Variants in MAPK9 observed in about 807,000 individuals in gnomAD.
The protein encoded by MAPK9 is mitogen-activated protein kinase 9.
In MAPK9, 30 loss-of-function variants were observed where a neutral mutation model predicts 57.1. The observed-to-expected ratio is 0.53, with a 90% confidence interval of 0.39 to 0.71. MAPK9 has a LOEUF of 0.71. MAPK9 is among the 30% of genes least tolerant of loss of function. The pLI is 0.00. For missense variants in MAPK9, 362 were observed against 521.0 expected, an observed-to-expected ratio of 0.69 and a Z score of 2.97; for synonymous variants, 155 against 177.0, an observed-to-expected ratio of 0.88 and a Z score of 0.99.
chr5:180,270,399 T>G (rs1029500862), intron 2 of MAPK9, among the ~76,000 whole-genome samples: 1 of 152,254 alleles, frequency 6.6e-6, no homozygotes, highest in Non-Finnish European at 1.5e-5. Context: ...TCATATTATG[T>G]GTCTGTCTAT....
chr5:180,258,775 C>A (rs1482300881), intron 5 of MAPK9, among the ~76,000 whole-genome samples: 1 of 151,252 alleles, frequency 6.6e-6, no homozygotes, highest in East Asian at 1.9e-4. Context: ...ACCTGTAATC[C>A]CAGCACTTTG....
rs543329201 is a variant in MAPK9, at chr5:180,272,819, G to A, written c.123-3410C>T. On this transcript the variant is annotated intron_variant, in intron 2 of 11. Transcript: ENST00000452135. Reference sequence around the variant, plus strand: ...CATCACCATTCCTGTACGCAGCTCCGGATCCCCTATGCATGTGTTTCTGAT... The same window carrying A: ...CATCACCATTCCTGTACGCAGCTCCAGATCCCCTATGCATGTGTTTCTGAT... Among the ~76,000 whole-genome samples the A allele has an allele frequency of 6.4e-4, 98 of 152,280 alleles. No individual in the cohort carries two copies. In the South Asian group the frequency reaches 8.7e-3, roughly 14 times the overall value.
intron 3 of MAPK9, among the ~76,000 whole-genome samples, chr5:180,265,612 A>G (rs1424648930): frequency 2.0e-5 from 3 of 152,190 alleles, no homozygotes; most frequent in African/African-American, 4.8e-5. Context: ...ATGCGCAACT[A>G]TGAGTTATTT....
intron 1 of MAPK9, among the ~76,000 whole-genome samples, chr5:180,291,007 G>A (rs576520995): frequency 6.6e-6 from 1 of 152,358 alleles, no homozygotes; most frequent in East Asian, 1.9e-4. Context: ...ATGACTAAGG[G>A]AAGAAAGAGG....
intron 1 of MAPK9, among the ~76,000 whole-genome samples, chr5:180,288,572 C>CG (rs1056946336): frequency 6.6e-6 from 1 of 152,112 alleles, no homozygotes; most frequent in African/African-American, 2.4e-5. Flanking sequence ...AGGTTGTGCC[C>CG]GTATGTTTTA....
intron 2 of MAPK9, among the ~76,000 whole-genome samples, chr5:180,278,422 C>T (rs915682627): frequency 1.3e-5 from 2 of 152,238 alleles, no homozygotes; most frequent in African/African-American, 4.8e-5. Flanking sequence ...TACCTGTAGG[C>T]CGGGCGCAGT....
chr5:180,272,266 A>G (rs1212666233), intron 2 of MAPK9, among the ~76,000 whole-genome samples: 1 of 152,196 alleles, frequency 6.6e-6, no homozygotes, highest in Non-Finnish European at 1.5e-5. Context: ...TGGAAGATAG[A>G]TGGTATTGCT....
At chr5:180,252,144 C>T (rs33979712) in intron 5 of MAPK9, among the ~76,000 whole-genome samples, 28,365 of 152,024 alleles carry the variant, frequency 0.19, 3,176 homozygotes, top group African/African-American at 0.31. Context: ...TCTCTTGCGG[C>T]CATGTTATGG....
intron 11 of MAPK9, 116 bp downstream of exon 11, chr5:180,238,216 G>A (rs557498347): frequency 2.9e-6 from 2 of 692,972 alleles, no homozygotes; most frequent in Middle Eastern, 3.0e-4. Context: ...GTTGCAGTGA[G>A]CAGAGATCGC....
At chr5:180,267,852 TTTTATTTATTTA>T (rs542480114) in intron 3 of MAPK9, among the ~76,000 whole-genome samples, 2 of 151,790 alleles carry the variant, frequency 1.3e-5, no homozygotes, top group African/African-American at 4.8e-5. Flanking sequence ...ACGTTTTATA[TTTTATTTATTTA>T]TTTATTTATT....
intron 1 of MAPK9, among the ~76,000 whole-genome samples, chr5:180,290,352 C>T (rs1763123465): frequency 6.6e-6 from 1 of 152,200 alleles, no homozygotes; most frequent in Non-Finnish European, 1.5e-5. Flanking sequence ...CCTCAAGGCC[C>T]CCCAGCACCA....
chr5:180,263,665 C>T (rs1219966417), intron 4 of MAPK9, among the ~76,000 whole-genome samples: 18 of 151,786 alleles, frequency 1.2e-4, no homozygotes, highest in Admixed American at 3.3e-4. Context: ...TTCCTTCTAT[C>T]TCCATTCTAC....
chr5:180,271,513 C>T (rs547274886), intron 2 of MAPK9, among the ~76,000 whole-genome samples: 17 of 152,298 alleles, frequency 1.1e-4, no homozygotes, highest in Admixed American at 3.3e-4. Flanking sequence ...CTAATCTTCA[C>T]GCTTCTTCAA....
intron 2 of MAPK9, among the ~76,000 whole-genome samples, chr5:180,270,788 G>A (rs556586644): frequency 9.0e-5 from 13 of 145,034 alleles, no homozygotes; most frequent in Admixed American, 5.0e-4. Flanking sequence ...GGTCGAGACT[G>A]CAGTGAGCAC....
intron 4 of MAPK9, among the ~76,000 whole-genome samples, chr5:180,263,866 C>T (rs903569952): frequency 3.3e-5 from 5 of 152,022 alleles, no homozygotes; most frequent in South Asian, 2.1e-4. Flanking sequence ...CCACCACGCC[C>T]GGCTGATTTT....
At chr5:180,268,756 G>C (rs1363295219) in intron 3 of MAPK9, among the ~76,000 whole-genome samples, 2 of 151,712 alleles carry the variant, frequency 1.3e-5, no homozygotes, top group Non-Finnish European at 1.5e-5. Flanking sequence ...GAACCCGGGA[G>C]GTGGAGCTTG....
intron 4 of MAPK9, 35 bp from the exon 5 acceptor site, chr5:180,261,857 T>C (rs1425964997): frequency 6.4e-7 from 1 of 1,565,548 alleles, no homozygotes; most frequent in Admixed American, 1.8e-5. Flanking sequence ...TATTTGAAAA[T>C]TATCCAAAGT....
chr5:180,254,431 T>C (rs1037715532), intron 5 of MAPK9, among the ~76,000 whole-genome samples: 8 of 152,148 alleles, frequency 5.3e-5, no homozygotes, highest in Non-Finnish European at 1.2e-4. Flanking sequence ...TGATAGTATA[T>C]ACATGCAACA....
chr5:180,233,344 C>T lies in MAPK9; in HGVS notation c.*3040G>A, dbSNP rs1185430915. 1.3e-5 allele frequency: 2 copies of T among 152,188 alleles called. No homozygotes were observed. The highest frequency in any genetic ancestry group is 2.9e-5 in the Non-Finnish European group (2 of 68,038). The allele number at this position is 152,188 out of a possible 1,614,324, so 9.4% of individuals were successfully genotyped here. ...ACACCAATACTCTGAATTGGACCTG[C>T]ATATTGGTGAAGTCAAAACTTACTG... On this transcript the variant is annotated 3_prime_UTR_variant, in exon 12 of 12. Transcript: ENST00000452135.
Sources: gnomAD v4.1 joint callset for allele counts (sites outside exome capture counted in the v4.1 genomes callset) on GRCh38, gnomAD v4.1.1 for gene constraint, MANE v1.5 for transcripts, NCBI Gene and HGNC (gene_info 2026-07-23, HGNC 2026-07-21) for gene names.